The following CNKSR2 variants were observed in gnomAD, a reference collection of about 807,000 sequenced individuals.
CNKSR2 encodes connector enhancer of kinase suppressor of Ras 2.
CNKSR2 carries 14 observed loss-of-function variants against 84.4 expected under a neutral mutation model. The ratio of observed to expected loss-of-function variants is 0.17; its 90% confidence interval spans 0.11 to 0.26. The LOEUF (loss-of-function observed/expected upper bound fraction) is 0.26. Ranked by LOEUF, CNKSR2 falls within the 10% of genes least tolerant of loss-of-function variation. The pLI, the probability that CNKSR2 is intolerant of heterozygous loss-of-function variation, is 1.00. For synonymous variants in CNKSR2, 275 were observed against 277.9 expected (o/e 0.99, Z 0.10); for missense variants, 485 against 771.2 (o/e 0.63, Z 4.40).
chrX:21,643,924 T>A (rs776890936), intron 20 of CNKSR2: 40 of 111,648 alleles, frequency 3.6e-4, no homozygotes, highest in Non-Finnish European at 7.0e-4. Flanking sequence ...AATTATAGTA[T>A]AAACCCCTGA....
intron 4 of CNKSR2, among the ~76,000 whole-genome samples, chrX:21,467,003 C>T (rs915736584): frequency 1.8e-5 from 2 of 111,445 alleles, no homozygotes; most frequent in African/African-American, 3.3e-5. Flanking sequence ...AACTGTTCCA[C>T]ATAAAGAAAG....
At position 21,424,486 on chromosome X, in the gene CNKSR2, T is replaced by C. The variant is rs1302575849; in HGVS notation, c.65-2011T>C. 3 of 111,529 alleles carry C rather than the reference T, an allele frequency of 2.7e-5. No individual in the cohort carries two copies. In the East Asian group the frequency reaches 8.4e-4, roughly 31 times the overall value. 9.2% of individuals were successfully genotyped at this position (111,529 alleles called of 1,213,427 possible). A position where few individuals can be genotyped will look rare whatever the true frequency, so the allele number is the denominator to read the frequency against. On this transcript the variant is annotated intron_variant, in intron 1 of 21. Transcript: ENST00000379510. ...CCCCTTTGTCTGGCCAACCCTCAAG[T>C]TGTATGGACCACTATACCTTTCACC...
intron 11 of CNKSR2, among the ~76,000 whole-genome samples, chrX:21,540,016 C>T (rs2091963382): frequency 1.8e-5 from 2 of 111,803 alleles, no homozygotes; most frequent in Admixed American, 1.9e-4. Flanking sequence ...AGTCATTCAA[C>T]TAATACTTGT....
intron 13 of CNKSR2, among the ~76,000 whole-genome samples, chrX:21,566,993 G>A (rs2092244649): frequency 9.0e-6 from 1 of 111,573 alleles, no homozygotes; most frequent in African/African-American, 3.3e-5. Context: ...TCACTGTGCT[G>A]TAGCTACCCT....
At chrX:21,444,014 G>T (rs1777217448) in intron 4 of CNKSR2, among the ~76,000 whole-genome samples, 1 of 110,884 alleles carries the variant, frequency 9.0e-6, no homozygotes, top group African/African-American at 3.3e-5. Flanking sequence ...TGAGTATATA[G>T]CCCTTTTTAA....
intron 13 of CNKSR2, among the ~76,000 whole-genome samples, chrX:21,567,796 GT>G (rs1569246834): frequency 1.0e-2 from 23 of 2,302 alleles, no homozygotes; most frequent in Non-Finnish European, 0.053. Context: ...TTTTTGTGTG[GT>G]GTGTGTGTGT....
intron 3 of CNKSR2, among the ~76,000 whole-genome samples, chrX:21,436,461 G>A (rs959680637): frequency 9.0e-6 from 1 of 111,309 alleles, no homozygotes; most frequent in African/African-American, 3.3e-5. Flanking sequence ...TATAAGCATC[G>A]TATTATCTAT....
intron 1 of CNKSR2, among the ~76,000 whole-genome samples, chrX:21,403,601 A>G (rs1036530311): frequency 3.6e-5 from 4 of 111,839 alleles, no homozygotes; most frequent in African/African-American, 1.3e-4. Flanking sequence ...TCAGAAGGAA[A>G]AGATCTTACA....
intron 2 of CNKSR2, 63 bp from the exon 3 acceptor site, chrX:21,432,549 A>C (rs1452433364): frequency 1.2e-6 from 1 of 805,813 alleles, no homozygotes; most frequent in Admixed American, 2.8e-5. Flanking sequence ...AGTATTCAGT[A>C]AATATTTTCA....
chrX:21,527,903 T>C (rs2091850027), intron 10 of CNKSR2, among the ~76,000 whole-genome samples: 1 of 111,230 alleles, frequency 9.0e-6, no homozygotes, highest in Non-Finnish European at 1.9e-5. Context: ...CATTATTCTT[T>C]AGTACACTTA....
chrX:21,514,249 T>G lies in CNKSR2; in HGVS notation c.811-2236T>G, dbSNP rs779903808. ...TTTGTGCTTTTATCCAATCATTTCC[T>G]TATGGTAGTGGAAGTAGAATTTGGG... is the stretch of plus-strand genomic sequence containing the variant. On this transcript the variant is annotated intron_variant, in intron 8 of 21. Transcript: ENST00000379510. 2.7e-5 allele frequency among the ~76,000 whole-genome samples: 3 copies of G among 112,064 alleles called. No individual in the cohort carries two copies. The South Asian group carries it at 1.1e-3, about 41-fold the overall frequency.
chrX:21,503,043 C>T (rs2091575138), intron 8 of CNKSR2, among the ~76,000 whole-genome samples: 1 of 110,969 alleles, frequency 9.0e-6, no homozygotes, highest in Non-Finnish European at 1.9e-5. Flanking sequence ...CATGCATTTC[C>T]AGATGGTCAT....
rs369034070 is a variant in CNKSR2, at chrX:21,562,028, GA to G, written c.1393+480del. ...TTCTAACAAAAACCATGTAGAAATA[GA>G]AAAAAAAAAAACCGTGCTTTTTTTT... On this transcript the variant is annotated intron_variant, in intron 12 of 21. Transcript: ENST00000379510. 5.9e-3 allele frequency among the ~76,000 whole-genome samples: 581 copies of G among 98,886 alleles called. 5 individuals carry two copies. Among genetic ancestry groups the G allele is most frequent in the African/African-American group, 0.018 (490 of 27,637 alleles). The allele number at this position is 98,886 out of a possible 115,157, so 85.9% of individuals were successfully genotyped here. A position where few individuals can be genotyped will look rare whatever the true frequency, so the allele number is the denominator to read the frequency against.
In CNKSR2 at chrX:21,546,805, C is replaced by A. The variant is rs1285403775; in HGVS notation, c.1304-14666C>A. On this transcript the variant is annotated intron_variant, in intron 11 of 21. Coordinates refer to ENST00000379510, the MANE Select transcript of CNKSR2 (RefSeq NM_014927.5). ...TTCTTAAAGAAAAGAATTTTCAACC[C>A]AGAATTTCATATTCAGCCAAACTAA... is the stretch of plus-strand genomic sequence containing the variant. Among the ~76,000 whole-genome samples the A allele has an allele frequency of 1.1e-4, 12 of 111,665 alleles. No individual in the cohort carries two copies. The Admixed American group carries it at 1.1e-3, about 11-fold the overall frequency.
intron 20 of CNKSR2, among the ~76,000 whole-genome samples, chrX:21,628,697 C>T (rs1284608031): frequency 9.0e-6 from 1 of 111,186 alleles, no homozygotes; most frequent in African/African-American, 3.3e-5. Context: ...GGGCGCCACA[C>T]CTGTAGACTG....
chrX:21,374,637 G>A lies in CNKSR2; in HGVS notation c.-261G>A, dbSNP rs2089777383. The stretch of plus-strand genomic sequence containing the variant: ...AGCAGCAGCAGCAGCAGCAGCCGCC[G>A]CCGCCGCCGCCTTAGCGGGAACTGA... On this transcript the variant is annotated 5_prime_UTR_variant, in exon 1 of 22. Coordinates refer to ENST00000379510, the MANE Select transcript of CNKSR2 (RefSeq NM_014927.5). 1.9e-6 allele frequency: 1 copy of A among 522,133 alleles called. No individual in the cohort carries two copies. Among genetic ancestry groups the A allele is most frequent in the Non-Finnish European group, 3.4e-6 (1 of 296,762 alleles). 43.0% of individuals were successfully genotyped at this position (522,133 alleles called of 1,213,427 possible). A position where few individuals can be genotyped will look rare whatever the true frequency, so the allele number is the denominator to read the frequency against.
At chrX:21,629,760 A>C (rs2092639443) in intron 20 of CNKSR2, among the ~76,000 whole-genome samples, 1 of 112,358 alleles carries the variant, frequency 8.9e-6, no homozygotes, top group Non-Finnish European at 1.9e-5. Context: ...TGTGTAAAGT[A>C]AGTTATCTAA....
At position 21,415,873 on chromosome X, in the gene CNKSR2, T is replaced by C. The variant is rs1464427029; in HGVS notation, c.65-10624T>C. Among the ~76,000 whole-genome samples the C allele has an allele frequency of 4.5e-3, 422 of 92,881 alleles. 3 individuals carry two copies. Among genetic ancestry groups the C allele is most frequent in the African/African-American group, 8.0e-3 (214 of 26,900 alleles). The allele number at this position is 92,881 out of a possible 115,157, so 80.7% of individuals were successfully genotyped here. On this transcript the variant is annotated intron_variant, in intron 1 of 21. Transcript: ENST00000379510. ...ACACACACACACACACACACACACATATATATATATATATGAAGAATAATT... is the reference window on the plus strand; with the variant it reads ...ACACACACACACACACACACACACACATATATATATATATGAAGAATAATT...
chrX:21,585,251 A>G (rs1160540987), intron 13 of CNKSR2, among the ~76,000 whole-genome samples: 2 of 104,511 alleles, frequency 1.9e-5, no homozygotes. Flanking sequence ...AGATAAATAT[A>G]TATAAATATA....
Sources: allele counts gnomAD v4.1 joint callset (sites outside exome capture counted in the v4.1 genomes callset), GRCh38; gene constraint gnomAD v4.1.1; transcripts MANE v1.5; gene names NCBI Gene and HGNC (gene_info 2026-07-23, HGNC 2026-07-21).